The following DSCAM variants were observed in gnomAD, a reference collection of about 807,000 sequenced individuals.
DSCAM encodes the protein DS cell adhesion molecule, also known as cell adhesion molecule DSCAM.
Under a neutral mutation model 217.7 loss-of-function variants are expected in DSCAM, and 47 were observed. The observed-to-expected ratio is 0.22, with a 90% CI of 0.17 to 0.28. The LOEUF is 0.28. Ranked by LOEUF, DSCAM falls within the 10% of genes least tolerant of loss-of-function variation. DSCAM has a pLI of 1.00. For synonymous variants in DSCAM, 1,056 were observed against 1,015.3 expected (o/e 1.04, Z -0.76); for missense variants, 2,080 against 2,618.3 (o/e 0.79, Z 4.49).
rs138112971 is a variant in DSCAM, at chr21:40,476,650, G to A, written c.509-107405C>T. On this transcript the variant is annotated intron_variant, in intron 3 of 32. Transcript: ENST00000400454. ...AGGAATTTCAGAAGACTATAACTGG[G>A]GAGTTTTGGGGGAAAGAATTTATTC... Among the ~76,000 whole-genome samples, 1,064 of 152,232 alleles carry A rather than the reference G, an allele frequency of 7.0e-3. 10 individuals are homozygous for A. Among genetic ancestry groups the A allele is most frequent in the Non-Finnish European group, 0.01 (687 of 68,028 alleles).
At chr21:40,785,930 T>C (rs1012603021) in intron 1 of DSCAM, among the ~76,000 whole-genome samples, 1 of 152,200 alleles carries the variant, frequency 6.6e-6, no homozygotes, top group Non-Finnish European at 1.5e-5. Flanking sequence ...TGATATGCAA[T>C]TATCTCATCT....
At chr21:40,402,229 G>C (rs557586474) in intron 3 of DSCAM, among the ~76,000 whole-genome samples, 5 of 150,800 alleles carry the variant, frequency 3.3e-5, no homozygotes, top group African/African-American at 9.7e-5. Context: ...ACCACGCCCG[G>C]CTAATTTTTT....
At chr21:40,791,968 A>T (rs1261092839) in intron 1 of DSCAM, among the ~76,000 whole-genome samples, 1 of 151,976 alleles carries the variant, frequency 6.6e-6, no homozygotes, top group East Asian at 1.9e-4. Context: ...CAGACTCTGG[A>T]TCTTAGCAAC....
At chr21:40,056,161 A>G (rs931429113) in intron 28 of DSCAM, among the ~76,000 whole-genome samples, 2 of 152,192 alleles carry the variant, frequency 1.3e-5, no homozygotes, top group African/African-American at 2.4e-5. Flanking sequence ...GCAATTAAAA[A>G]CCAACAGCAT....
intron 11 of DSCAM, among the ~76,000 whole-genome samples, chr21:40,201,177 C>T (rs754909364): frequency 3.3e-5 from 5 of 152,096 alleles, no homozygotes; most frequent in Non-Finnish European, 7.3e-5. Flanking sequence ...CTTTTCCAGG[C>T]CCTTATGACA....
intron 28 of DSCAM, among the ~76,000 whole-genome samples, chr21:40,062,065 T>C (rs2089131710): frequency 6.6e-6 from 1 of 151,970 alleles, no homozygotes; most frequent in Non-Finnish European, 1.5e-5. Context: ...CATATCAGAG[T>C]GTTCTAGTAT....
intron 10 of DSCAM, among the ~76,000 whole-genome samples, chr21:40,290,988 T>C (rs1408224906): frequency 6.6e-6 from 1 of 152,210 alleles, no homozygotes; most frequent in Non-Finnish European, 1.5e-5. Context: ...AATTTATCAT[T>C]GCTTATATTG....
At chr21:40,541,179 G>A (rs2076540099) in intron 3 of DSCAM, among the ~76,000 whole-genome samples, 2 of 151,490 alleles carry the variant, frequency 1.3e-5, no homozygotes. Flanking sequence ...TTTGTTTTCT[G>A]CATATTAGAT....
chr21:40,456,130 T>C (rs2075761542), intron 3 of DSCAM, among the ~76,000 whole-genome samples: 1 of 151,816 alleles, frequency 6.6e-6, no homozygotes, highest in Non-Finnish European at 1.5e-5. Flanking sequence ...TTAAATATAA[T>C]TTTTTTAAAT....
chr21:40,208,772 A>C (rs1167688611), intron 11 of DSCAM, among the ~76,000 whole-genome samples: 1 of 152,166 alleles, frequency 6.6e-6, no homozygotes. Flanking sequence ...TGGGTTGCGA[A>C]ACAGAAATAT....
chr21:40,081,566 G>C (rs1450781491), intron 24 of DSCAM, among the ~76,000 whole-genome samples: 1 of 151,944 alleles, frequency 6.6e-6, no homozygotes. Context: ...TACCTGACAG[G>C]TGATACCTGT....
At chr21:40,696,069 C>T (rs1482295338) in intron 2 of DSCAM, among the ~76,000 whole-genome samples, 2 of 150,288 alleles carry the variant, frequency 1.3e-5, no homozygotes, top group South Asian at 2.1e-4. Context: ...GGGCTAGAAA[C>T]CTGAGATGCA....
chr21:40,252,582 T>C (rs529647713), intron 11 of DSCAM, among the ~76,000 whole-genome samples: 6 of 152,294 alleles, frequency 3.9e-5, no homozygotes, highest in Middle Eastern at 3.4e-3. Context: ...TTTTAAAATA[T>C]ATGGGAACCT....
intron 1 of DSCAM, among the ~76,000 whole-genome samples, chr21:40,730,161 C>T (rs1169711466): frequency 6.6e-6 from 1 of 152,102 alleles, no homozygotes; most frequent in African/African-American, 2.4e-5. Context: ...CTCCGAAGAG[C>T]CTCCGGGGCG....
At chr21:40,492,826 T>C (rs1458244729) in intron 3 of DSCAM, among the ~76,000 whole-genome samples, 3 of 152,072 alleles carry the variant, frequency 2.0e-5, no homozygotes, top group Admixed American at 6.6e-5. Flanking sequence ...AAAAAACTAA[T>C]AGTATAAAAC....
chr21:40,703,859 T>C (rs1012634808), intron 2 of DSCAM, among the ~76,000 whole-genome samples: 1 of 152,196 alleles, frequency 6.6e-6, no homozygotes, highest in South Asian at 2.1e-4. Context: ...TTAAGCTTCC[T>C]GAAGCATGTT....
At chr21:40,237,556 A>G (rs1440354473) in intron 11 of DSCAM, among the ~76,000 whole-genome samples, 2 of 152,182 alleles carry the variant, frequency 1.3e-5, no homozygotes, top group Non-Finnish European at 2.9e-5. Flanking sequence ...ATCCTTTTTT[A>G]TGGCTGCATA....
At chr21:40,086,535 G>C (rs143606186) in intron 22 of DSCAM, among the ~76,000 whole-genome samples, 6 of 152,234 alleles carry the variant, frequency 3.9e-5, no homozygotes, top group African/African-American at 1.4e-4. Context: ...GAATCCATTA[G>C]ATCACATTTC....
intron 10 of DSCAM, among the ~76,000 whole-genome samples, chr21:40,288,964 C>A (rs1241572881): frequency 1.3e-5 from 2 of 152,164 alleles, no homozygotes; most frequent in East Asian, 3.9e-4. Flanking sequence ...CTGATGATTT[C>A]TACTCCTCCT....
Sources: allele counts gnomAD v4.1 joint callset (sites outside exome capture counted in the v4.1 genomes callset), GRCh38; gene constraint gnomAD v4.1.1; transcripts MANE v1.5; gene names NCBI Gene and HGNC (gene_info 2026-07-23, HGNC 2026-07-21).